Variants in TTC6 observed in about 807,000 individuals in gnomAD.
TTC6 encodes the protein tetratricopeptide repeat domain 6.
A neutral mutation model predicts 210.4 loss-of-function variants in TTC6; 172 were observed. The observed-to-expected ratio is 0.82, with a 90% CI of 0.72 to 0.93. The LOEUF is 0.93. TTC6 is among the 40% of genes least tolerant of loss of function. TTC6 has a pLI of 0.00. For synonymous variants in TTC6, 804 were observed against 819.6 expected, an observed-to-expected ratio of 0.98 and a Z score of 0.32; for missense variants, 2,414 against 2,318.1, an observed-to-expected ratio of 1.04 and a Z score of -0.85.
rs573457611 is a variant in TTC6 at position 37,796,228 on chromosome 14, G to T, written c.3792-66G>T. The stretch of plus-strand genomic sequence containing the variant: ...TTGTAAAATTGTAAGTAACTGATTA[G>T]AAGAAACTTTATTTTAGAAAGTTAA... On this transcript the variant is annotated intron_variant, in intron 18 of 30. Transcript: ENST00000553443. 1.3e-5 allele frequency: 9 copies of T among 689,314 alleles called. No homozygotes were observed. The African/African-American group carries it at 1.5e-4, about 12-fold the overall frequency. 42.7% of individuals were successfully genotyped at this position (689,314 alleles called of 1,614,324 possible).
intron 1 of TTC6, among the ~76,000 whole-genome samples, chr14:37,643,755 A>G (rs192372062): frequency 5.3e-4 from 81 of 152,270 alleles, no homozygotes; most frequent in Admixed American, 4.1e-3. Context: ...ATTTCAGCCA[A>G]ATTTCCCCTC....
intron 10 of TTC6, among the ~76,000 whole-genome samples, chr14:37,740,336 C>T (rs1258958648): frequency 6.6e-6 from 1 of 152,024 alleles, no homozygotes; most frequent in Admixed American, 6.6e-5. Flanking sequence ...ATTAAGTATT[C>T]AGGACATAAC....
chr14:37,666,738 G>C (rs2095748919), intron 1 of TTC6, among the ~76,000 whole-genome samples: 1 of 150,244 alleles, frequency 6.7e-6, no homozygotes, highest in Non-Finnish European at 1.5e-5. Flanking sequence ...GAGGGGATAG[G>C]TGGGGGAAAG....
At chr14:37,840,869 A>AT (rs71127249) in intron 29 of TTC6, among the ~76,000 whole-genome samples, 134 of 137,616 alleles carry the variant, frequency 9.7e-4, no homozygotes, top group African/African-American at 3.1e-3. Context: ...CAGTGGGAGG[A>AT]TTTTTTTTTT....
At chr14:37,761,660 T>C (rs1268139039) in intron 14 of TTC6, among the ~76,000 whole-genome samples, 4 of 152,140 alleles carry the variant, frequency 2.6e-5, no homozygotes, top group Admixed American at 1.3e-4. Flanking sequence ...TTCCTTATAG[T>C]TCTTTATAGT....
chr14:37,689,981 CA>C (rs1242059145), intron 3 of TTC6, among the ~76,000 whole-genome samples: 2 of 151,872 alleles, frequency 1.3e-5, no homozygotes, highest in African/African-American at 4.8e-5. Flanking sequence ...GATTAACCAA[CA>C]AAAAATAATA....
At chr14:37,772,093 G>T (rs990456171) in intron 14 of TTC6, among the ~76,000 whole-genome samples, 8 of 152,152 alleles carry the variant, frequency 5.3e-5, no homozygotes, top group Admixed American at 3.9e-4. Context: ...CCTGCTGGGG[G>T]GTGCCTCCCA....
intron 30 of TTC6, 83 bp downstream of exon 32, chr14:37,841,753 T>A: frequency 9.4e-7 from 1 of 1,069,044 alleles, no homozygotes; most frequent in Non-Finnish European, 1.4e-6. Flanking sequence ...AATCATTAGG[T>A]CTATTTATTT....
At chr14:37,755,991 A>T (rs1231360533) in intron 14 of TTC6, among the ~76,000 whole-genome samples, 1 of 152,056 alleles carries the variant, frequency 6.6e-6, no homozygotes, top group East Asian at 1.9e-4. Flanking sequence ...GTGAGCATGG[A>T]ATGTTTTGCC....
chr14:37,797,018 T>C, intron 20 of TTC6, 71 bp downstream of exon 22: 1 of 1,275,408 alleles, frequency 7.8e-7, no homozygotes, highest in Non-Finnish European at 1.0e-6. Flanking sequence ...AGTATACCAC[T>C]TTAAATATTT....
At chr14:37,601,609 G>C (rs2095615752) in intron 1 of TTC6, among the ~76,000 whole-genome samples, 1 of 152,208 alleles carries the variant, frequency 6.6e-6, no homozygotes, top group Non-Finnish European at 1.5e-5. Flanking sequence ...AATTGGATGG[G>C]AAAGATGCCC....
intron 10 of TTC6, among the ~76,000 whole-genome samples, chr14:37,740,031 G>T (rs551095244): frequency 2.6e-5 from 4 of 151,982 alleles, no homozygotes; most frequent in Admixed American, 2.6e-4. Flanking sequence ...AGGCGTGATG[G>T]TGGGCACCTG....
intron 14 of TTC6, among the ~76,000 whole-genome samples, chr14:37,774,854 ATC>A (rs1474694069): frequency 6.6e-6 from 1 of 152,046 alleles, no homozygotes; most frequent in African/African-American, 2.4e-5. Context: ...TTGGCTCTGA[ATC>A]TCTCTGGTTC....
intron 14 of TTC6, among the ~76,000 whole-genome samples, chr14:37,770,632 C>CA (rs2096015041): frequency 6.6e-6 from 1 of 151,708 alleles, no homozygotes; most frequent in South Asian, 2.1e-4. Context: ...CAACCCCTGC[C>CA]TTTTTTTGTT....
In TTC6 at chr14:37,776,074, G is replaced by A. The variant is rs1431950831; in HGVS notation, c.3267-11394G>A. Among the ~76,000 whole-genome samples the A allele has an allele frequency of 2.8e-4, 5 of 18,012 alleles. 1 individual carries two copies. Among genetic ancestry groups the A allele is most frequent in the East Asian group, 1.4e-3 (1 of 728 alleles). 11.8% of individuals were successfully genotyped at this position (18,012 alleles called of 152,430 possible). A position where few individuals can be genotyped will look rare whatever the true frequency, so the allele number is the denominator to read the frequency against. ...TTTTTTTTTTTTTTTTTTTTGAGACGGAGTCTCGCTCTGTCGCCCAGGCTG... is the reference window on the plus strand; with the variant it reads ...TTTTTTTTTTTTTTTTTTTTGAGACAGAGTCTCGCTCTGTCGCCCAGGCTG... On this transcript the variant is annotated intron_variant, in intron 14 of 30. Coordinates refer to ENST00000553443, the Ensembl canonical transcript of TTC6.
rs771561057 is a variant in TTC6, at chr14:37,804,667, T to C, written c.4030-13T>C. 9.3e-6 allele frequency: 15 copies of C among 1,605,118 alleles called. No homozygotes were observed. In the South Asian group the frequency reaches 1.6e-4, roughly 17 times the overall value. ...ACATTTCTTGCCCCCTCCCTGCTTT[T>C]TTATCATTATAGGAAGCTGTGGAAG... is the stretch of plus-strand genomic sequence containing the variant. On this transcript the variant is annotated splice_polypyrimidine_tract_variant and intron_variant, in intron 20 of 30. Coordinates refer to ENST00000553443, the Ensembl canonical transcript of TTC6.
chr14:37,795,335 C>A (rs906337248), exon 18 of TTC6: 2 of 1,528,276 alleles, frequency 1.3e-6, no homozygotes. Context: ...CAGATGGAAT[C>A]CAATTATACA....
At chr14:37,626,915 CTAATA>C (rs1437167029) in intron 1 of TTC6, among the ~76,000 whole-genome samples, 2 of 152,168 alleles carry the variant, frequency 1.3e-5, no homozygotes, top group Non-Finnish European at 2.9e-5. Context: ...GCCTGTATTT[CTAATA>C]TAATTTCGGT....
chr14:37,606,508 G>A (rs571124549), intron 1 of TTC6, among the ~76,000 whole-genome samples, 155 bp from the exon 2 acceptor site: 5 of 152,074 alleles, frequency 3.3e-5, no homozygotes, highest in African/African-American at 1.2e-4. Context: ...CTCTTCCACA[G>A]CTTCAGCTCT....
Sources: gnomAD v4.1 joint callset for allele counts (sites outside exome capture counted in the v4.1 genomes callset) on GRCh38, gnomAD v4.1.1 for gene constraint, MANE v1.5 for transcripts, NCBI Gene and HGNC (gene_info 2026-07-23, HGNC 2026-07-21) for gene names.